The following ADCY8 variants were observed in gnomAD, a reference collection of about 807,000 sequenced individuals.
The protein encoded by ADCY8 is adenylate cyclase type 8.
In ADCY8, 51 loss-of-function variants were observed where a neutral mutation model predicts 119.7. The observed-to-expected ratio is 0.43, with a 90% confidence interval of 0.34 to 0.54. The LOEUF (loss-of-function observed/expected upper bound fraction) is 0.54. Ranked by LOEUF, ADCY8 falls within the 20% of genes least tolerant of loss-of-function variation. The pLI is 0.03. For synonymous variants in ADCY8, 665 were observed against 651.0 expected (o/e 1.02, Z -0.33); for missense variants, 1,383 against 1,598.8 (o/e 0.87, Z 2.30).
intron 12 of ADCY8, among the ~76,000 whole-genome samples, chr8:130,828,670 A>G (rs1285103126): frequency 6.6e-6 from 1 of 152,184 alleles, no homozygotes; most frequent in Non-Finnish European, 1.5e-5. Flanking sequence ...GAATGGGAAA[A>G]TTCTGTCTTC....
chr8:130,919,176 C>T (rs1287578482), intron 5 of ADCY8, among the ~76,000 whole-genome samples: 1 of 152,190 alleles, frequency 6.6e-6, no homozygotes, highest in East Asian at 1.9e-4. Flanking sequence ...AGTCATTTAA[C>T]CCGAAACTTC....
At chr8:130,918,171 T>C (rs1820187442) in intron 5 of ADCY8, among the ~76,000 whole-genome samples, 1 of 152,220 alleles carries the variant, frequency 6.6e-6, no homozygotes, top group African/African-American at 2.4e-5. Context: ...ATAGACTGGA[T>C]GGCATAAACA....
At chr8:131,019,684 C>T (rs1205632426) in intron 1 of ADCY8, among the ~76,000 whole-genome samples, 1 of 152,104 alleles carries the variant, frequency 6.6e-6, no homozygotes, top group Non-Finnish European at 1.5e-5. Context: ...TAGATAAATA[C>T]TTAACAAACA....
chr8:130,904,090 A>C (rs1368870538), intron 6 of ADCY8, 48 bp from the exon 7 acceptor site: 7 of 1,552,658 alleles, frequency 4.5e-6, no homozygotes, highest in Non-Finnish European at 2.6e-6. Flanking sequence ...TGTTGCCTGC[A>C]AAGGCTATAT....
At chr8:130,864,021 G>A (rs914482890) in intron 9 of ADCY8, among the ~76,000 whole-genome samples, 1 of 152,140 alleles carries the variant, frequency 6.6e-6, no homozygotes, top group Admixed American at 6.5e-5. Context: ...GGCTAAAAAT[G>A]TAGTTTTTGT....
intron 2 of ADCY8, among the ~76,000 whole-genome samples, chr8:130,967,587 T>A (rs1478919992): frequency 6.6e-6 from 1 of 152,186 alleles, no homozygotes; most frequent in Non-Finnish European, 1.5e-5. Context: ...TTCTTCCCAG[T>A]GCTCAACTCA....
rs566568468 is a variant in ADCY8, at chr8:130,865,511, T to G, written c.2210+2335A>C. ...TGTGAGCATGTCTTTCTGGAGCACT[T>G]TCAATGACTATAAGAAGATTATTCT... On this transcript the variant is annotated intron_variant, in intron 9 of 17. Transcript: ENST00000286355. 8.5e-5 allele frequency among the ~76,000 whole-genome samples: 13 copies of G among 152,254 alleles called. No homozygotes were observed. The South Asian group carries it at 1.2e-3, about 15-fold the overall frequency.
chr8:130,869,160 G>A (rs983101126), intron 8 of ADCY8, among the ~76,000 whole-genome samples: 9 of 152,174 alleles, frequency 5.9e-5, no homozygotes, highest in African/African-American at 2.2e-4. Context: ...TGCTTTTGCA[G>A]GGCAATGCTT....
intron 5 of ADCY8, among the ~76,000 whole-genome samples, chr8:130,921,896 T>C (rs1023800383): frequency 6.6e-6 from 1 of 152,222 alleles, no homozygotes; most frequent in Non-Finnish European, 1.5e-5. Context: ...GTGGCAGTAT[T>C]GAAAGGGGGC....
At chr8:130,962,776 C>T (rs1821642987) in intron 2 of ADCY8, among the ~76,000 whole-genome samples, 1 of 152,230 alleles carries the variant, frequency 6.6e-6, no homozygotes, top group African/African-American at 2.4e-5. Flanking sequence ...CACTTTCAGG[C>T]TCTCACAAAT....
intron 1 of ADCY8, among the ~76,000 whole-genome samples, chr8:131,015,337 T>C (rs1823437600): frequency 6.6e-6 from 1 of 152,208 alleles, no homozygotes; most frequent in African/African-American, 2.4e-5. Context: ...GTTTCCATTT[T>C]AGGTGGAGTA....
intron 9 of ADCY8, among the ~76,000 whole-genome samples, chr8:130,857,461 C>T (rs1228303753): frequency 1.3e-5 from 2 of 152,108 alleles, no homozygotes; most frequent in Non-Finnish European, 2.9e-5. Context: ...CTTTTATCTT[C>T]CTTACAACGT....
At chr8:130,951,233 C>G (rs1586599583) in intron 3 of ADCY8, among the ~76,000 whole-genome samples, 1 of 152,202 alleles carries the variant, frequency 6.6e-6, no homozygotes, top group African/African-American at 2.4e-5. Context: ...CCCAAGATCA[C>G]AAACAAGGAA....
intron 6 of ADCY8, among the ~76,000 whole-genome samples, chr8:130,909,082 G>T (rs74590551): frequency 0.011 from 1,730 of 151,518 alleles, 15 homozygotes; most frequent in Non-Finnish European, 0.017. Flanking sequence ...AGAAAGAGAG[G>T]CTGCAGAAAA....
At chr8:130,976,932 CA>C (rs1347376149) in intron 2 of ADCY8, among the ~76,000 whole-genome samples, 1 of 152,144 alleles carries the variant, frequency 6.6e-6, no homozygotes, top group African/African-American at 2.4e-5. Flanking sequence ...AATGGTTTTA[CA>C]AGTGAGGAGA....
chr8:130,875,501 G>A (rs192783625), intron 8 of ADCY8, among the ~76,000 whole-genome samples: 46 of 152,294 alleles, frequency 3.0e-4, no homozygotes, highest in African/African-American at 1.0e-3. Flanking sequence ...AAGACATGGA[G>A]TGGTTCAACA....
At chr8:130,869,971 TTCTTCC>T (rs1818286563) in intron 8 of ADCY8, among the ~76,000 whole-genome samples, 1 of 148,658 alleles carries the variant, frequency 6.7e-6, no homozygotes, top group African/African-American at 2.5e-5. Flanking sequence ...TCCTTCTTCC[TTCTTCC>T]TCCTCCTCCT....
intron 5 of ADCY8, among the ~76,000 whole-genome samples, chr8:130,912,104 G>A (rs975089711): frequency 1.3e-5 from 2 of 152,180 alleles, no homozygotes; most frequent in Non-Finnish European, 2.9e-5. Context: ...ATCTTTTAGA[G>A]TGAAGCTTGG....
intron 1 of ADCY8, among the ~76,000 whole-genome samples, chr8:131,002,726 A>T (rs1822990916): frequency 6.6e-6 from 1 of 152,134 alleles, no homozygotes. Context: ...AAAATAAATA[A>T]AAGAGTAAAA....
Sources: allele counts gnomAD v4.1 joint callset (sites outside exome capture counted in the v4.1 genomes callset), GRCh38; gene constraint gnomAD v4.1.1; transcripts MANE v1.5; gene names NCBI Gene and HGNC (gene_info 2026-07-23, HGNC 2026-07-21).